Variants in PDGFRA observed in about 807,000 individuals in gnomAD.
PDGFRA encodes platelet-derived growth factor receptor alpha.
PDGFRA carries 25 observed loss-of-function variants against 121.5 expected under a neutral mutation model. The ratio of observed to expected loss-of-function variants is 0.21; its 90% CI spans 0.15 to 0.29. PDGFRA has a LOEUF of 0.29. Ranked by LOEUF, PDGFRA falls within the 10% of genes least tolerant of loss-of-function variation. The probability of loss-of-function intolerance (pLI) is 1.00; values close to 1 mark genes in which losing one functional copy is unlikely to be tolerated. For synonymous variants in PDGFRA, 463 were observed against 494.8 expected (o/e 0.94, Z 0.85); for missense variants, 1,008 against 1,345.1 (o/e 0.75, Z 3.92).
chr4:54,241,645 G>T (rs531854852), intron 1 of PDGFRA, among the ~76,000 whole-genome samples: 2 of 151,988 alleles, frequency 1.3e-5, no homozygotes, highest in Non-Finnish European at 2.9e-5. Context: ...CGCATCCTGG[G>T]TTCAGGCATT....
At chr4:54,245,474 G>A (rs1256426830) in intron 1 of PDGFRA, among the ~76,000 whole-genome samples, 45 of 152,048 alleles carry the variant, frequency 3.0e-4, no homozygotes, top group African/African-American at 1.0e-3. Context: ...AGCTTCATAA[G>A]TGAAGGAGAA....
intron 9 of PDGFRA, among the ~76,000 whole-genome samples, chr4:54,273,048 G>T (rs1395475165): frequency 2.6e-5 from 4 of 152,196 alleles, no homozygotes; most frequent in Non-Finnish European, 5.9e-5. Flanking sequence ...GAACAGACTT[G>T]GATGTTGACT....
chr4:54,288,699 T>C (rs1249603411), intron 19 of PDGFRA, 100 bp from the exon 20 acceptor site: 5 of 792,754 alleles, frequency 6.3e-6, no homozygotes, highest in Non-Finnish European at 1.2e-5. Context: ...TTCAAGGCTA[T>C]AGGATCTGAA....
At chr4:54,257,623 T>C (rs1722444355) in intron 1 of PDGFRA, among the ~76,000 whole-genome samples, 1 of 152,180 alleles carries the variant, frequency 6.6e-6, no homozygotes, top group Non-Finnish European at 1.5e-5. Context: ...CTTGAGTCAA[T>C]ACCTGGGTAC....
intron 16 of PDGFRA, among the ~76,000 whole-genome samples, chr4:54,282,129 TG>T (rs1361582542): frequency 6.6e-6 from 1 of 152,176 alleles, no homozygotes; most frequent in African/African-American, 2.4e-5. Flanking sequence ...AAAATAATTA[TG>T]TGTAAGATTG....
chr4:54,286,260 AT>A (rs1417152178), intron 18 of PDGFRA, among the ~76,000 whole-genome samples: 1 of 152,178 alleles, frequency 6.6e-6, no homozygotes, highest in African/African-American at 2.4e-5. Context: ...CAATGAATTC[AT>A]GTAAAGTGCT....
chr4:54,277,231 T>C (rs1723782463), intron 12 of PDGFRA, 157 bp from the exon 13 acceptor site: 1 of 697,386 alleles, frequency 1.4e-6, no homozygotes, highest in African/African-American at 1.8e-5. Flanking sequence ...GTGGGCTCAA[T>C]TCCTTTTTTG....
chr4:54,282,966 C>T (rs190646889), intron 16 of PDGFRA, among the ~76,000 whole-genome samples: 128 of 152,304 alleles, frequency 8.4e-4, no homozygotes, highest in African/African-American at 3.0e-3. Context: ...ATGTCCAGAG[C>T]ACACTGATGC....
chr4:54,289,822 A>T (rs957001380), intron 21 of PDGFRA, among the ~76,000 whole-genome samples: 14 of 152,376 alleles, frequency 9.2e-5, no homozygotes, highest in Admixed American at 5.9e-4. Flanking sequence ...GGCAGAAGGA[A>T]ATTAACCCTC....
At chr4:54,277,542 T>C in intron 13 of PDGFRA, 50 bp downstream of exon 13, 2 of 1,210,246 alleles carry the variant, frequency 1.7e-6, no homozygotes, top group South Asian at 2.4e-5. Context: ...TTTTTGAGCA[T>C]GGGGATATTA....
intron 1 of PDGFRA, among the ~76,000 whole-genome samples, chr4:54,258,205 C>T (rs1380262130): frequency 6.6e-6 from 1 of 152,116 alleles, no homozygotes; most frequent in East Asian, 1.9e-4. Context: ...AGCAGGTTCT[C>T]CAAGGGTTCC....
chr4:54,244,034 G>A (rs2110196553), intron 1 of PDGFRA, among the ~76,000 whole-genome samples: 1 of 152,352 alleles, frequency 6.6e-6, no homozygotes, highest in East Asian at 1.9e-4. Flanking sequence ...CCATTGCCCA[G>A]GCTTGCTTAG....
intron 1 of PDGFRA, among the ~76,000 whole-genome samples, chr4:54,230,890 G>C (rs193139025): frequency 9.6e-4 from 146 of 152,326 alleles, no homozygotes; most frequent in Non-Finnish European, 1.7e-3. Flanking sequence ...AGCGGGCGGC[G>C]TCCATTTGGC....
chr4:54,259,817 TCA>T (rs1722587719), intron 2 of PDGFRA, among the ~76,000 whole-genome samples: 1 of 152,206 alleles, frequency 6.6e-6, no homozygotes, highest in Non-Finnish European at 1.5e-5. Context: ...GGTGGGAGTC[TCA>T]CACCAGGTTC....
Position 54,261,401 on chromosome 4 carries a change from T to C in PDGFRA, c.356T>C (p.Ile119Thr). Residue 119 changes from isoleucine to threonine, a missense_variant, in exon 3 of 23, where the codon ATC becomes ACC. This residue lies in a region of PDGFRA where 575 missense variants were observed against 701.8 expected (regional missense o/e 0.82). Transcript: ENST00000257290. ...ENELEGRHIYIYVPDPDVAFV... is the reference protein window; with the variant it reads ...ENELEGRHIYTYVPDPDVAFV... Reference sequence around the variant, plus strand: ...GAGCTTGAAGGCAGGCACATTTACATCTATGTGCCAGGTGAGTTGGCTGGG... The same window carrying C: ...GAGCTTGAAGGCAGGCACATTTACACCTATGTGCCAGGTGAGTTGGCTGGG... 1 of 1,613,800 alleles carries C rather than the reference T, an allele frequency of 6.2e-7. No homozygotes were observed.
intron 1 of PDGFRA, among the ~76,000 whole-genome samples, chr4:54,248,828 G>C (rs562615822): frequency 3.9e-5 from 6 of 152,088 alleles, no homozygotes; most frequent in African/African-American, 1.4e-4. Flanking sequence ...TCTGACAAAG[G>C]GCTAATATCC....
intron 1 of PDGFRA, among the ~76,000 whole-genome samples, chr4:54,247,753 A>T (rs534773649): frequency 5.9e-5 from 9 of 152,218 alleles, no homozygotes; most frequent in Non-Finnish European, 1.0e-4. Flanking sequence ...AATAAAGAGT[A>T]TTCAGTTAGG....
rs752988048 is a variant in PDGFRA, at chr4:54,295,112, C to G, written c.3123-13C>G. ...CAGGAGTTGTAATATTTGCTCTTCT[C>G]TCCCTCCTCCAGCTCGCAGACCTCT... On this transcript the variant is annotated splice_polypyrimidine_tract_variant and intron_variant, in intron 22 of 22. Transcript: ENST00000257290. The G allele has an allele frequency of 1.9e-6, 3 of 1,613,288 alleles. No homozygotes were observed. The Admixed American group carries it at 5.0e-5, about 27-fold the overall frequency.
At chr4:54,240,364 C>G (rs575072516) in intron 1 of PDGFRA, among the ~76,000 whole-genome samples, 1 of 152,300 alleles carries the variant, frequency 6.6e-6, no homozygotes, top group East Asian at 1.9e-4. Context: ...TTGGGTTTCA[C>G]TATTGGCCAC....
Sources: gnomAD v4.1 joint callset for allele counts (sites outside exome capture counted in the v4.1 genomes callset) on GRCh38, gnomAD v4.1.1 for gene constraint, gnomAD v4.1.1 regional missense constraint, MANE v1.5 for transcripts, NCBI Gene and HGNC (gene_info 2026-07-23, HGNC 2026-07-21) for gene names.